The following CIPC variants were observed in gnomAD, a reference collection of about 807,000 sequenced individuals.
CIPC encodes CLOCK-interacting pacemaker.
In CIPC, 12 loss-of-function variants were observed where a neutral mutation model predicts 26.7. The ratio of observed to expected loss-of-function variants is 0.45; its 90% CI spans 0.29 to 0.73. The LOEUF (loss-of-function observed/expected upper bound fraction) is 0.73. Among genes scored for constraint, CIPC ranks in the 30% least tolerant of loss-of-function variants. The pLI is 0.12. For missense variants in CIPC, 417 were observed against 486.5 expected, an observed-to-expected ratio of 0.86 and a Z score of 1.34; for synonymous variants, 170 against 189.8, an observed-to-expected ratio of 0.90 and a Z score of 0.86.
chr14:77,105,965 C>T, intron 2 of CIPC, 121 bp downstream of exon 2: 1 of 1,170,670 alleles, frequency 8.5e-7, no homozygotes, highest in Non-Finnish European at 1.2e-6. Flanking sequence ...TAAATACTTA[C>T]CTGCTTTAAA....
rs890850533 is a variant in CIPC, at chr14:77,105,312, C to G, written c.-52-345C>G. ...TTCTCCTGTCTTCCTTTTCCCTTCTCTTCACTCCCCTGTCCCCTCTCCCCT... is the reference window on the plus strand; with the variant it reads ...TTCTCCTGTCTTCCTTTTCCCTTCTGTTCACTCCCCTGTCCCCTCTCCCCT... On this transcript the variant is annotated intron_variant, in intron 1 of 3. Coordinates refer to ENST00000361786, the MANE Select transcript of CIPC (RefSeq NM_033426.3). Among the ~76,000 whole-genome samples, 8 of 152,126 alleles carry G rather than the reference C, an allele frequency of 5.3e-5. No individual in the cohort carries two copies. In the East Asian group the frequency reaches 1.5e-3, roughly 29 times the overall value.
Position 77,116,689 on chromosome 14 carries a change from A to G in CIPC, c.*2371A>G, listed in dbSNP as rs940941409. 2.0e-5 allele frequency: 3 copies of G among 152,202 alleles called. No homozygotes were observed. The highest frequency in any genetic ancestry group is 4.4e-5 in the Non-Finnish European group (3 of 68,048). The allele number at this position is 152,202 out of a possible 1,614,324, so 9.4% of individuals were successfully genotyped here. A position where few individuals can be genotyped will look rare whatever the true frequency, so the allele number is the denominator to read the frequency against. On this transcript the variant is annotated 3_prime_UTR_variant, in exon 4 of 4. Coordinates refer to ENST00000361786, the MANE Select transcript of CIPC (RefSeq NM_033426.3). Reference sequence around the variant, plus strand: ...CTAGAAGTCTCTCCAGGCTATTACCATGGGCATTTGTTCTCTGTTGGAGCT... The same window carrying G: ...CTAGAAGTCTCTCCAGGCTATTACCGTGGGCATTTGTTCTCTGTTGGAGCT...
intron 1 of CIPC, 115 bp from the exon 2 acceptor site, chr14:77,105,541 AG>A: frequency 3.2e-6 from 2 of 622,856 alleles, no homozygotes; most frequent in Non-Finnish European, 5.3e-6. Context: ...GAAACCTCTG[AG>A]AAAATAAAGC....
intron 1 of CIPC, among the ~76,000 whole-genome samples, chr14:77,101,310 A>G (rs905761423): frequency 1.6e-4 from 24 of 151,840 alleles, no homozygotes; most frequent in Non-Finnish European, 2.6e-4. Context: ...CAGTGCTGCT[A>G]CTCCTCCGAA....
chr14:77,106,536 T>A (rs1322543162), intron 2 of CIPC, among the ~76,000 whole-genome samples: 1 of 152,178 alleles, frequency 6.6e-6, no homozygotes, highest in Non-Finnish European at 1.5e-5. Context: ...GGGTAGTGGC[T>A]TGAATATGGC....
At chr14:77,100,570 CTTCTT>C (rs1191353997) in intron 1 of CIPC, among the ~76,000 whole-genome samples, 2 of 145,688 alleles carry the variant, frequency 1.4e-5, no homozygotes, top group African/African-American at 5.1e-5. Context: ...TTTCTTTTCT[CTTCTT>C]TTTTTTTTTT....
Position 77,113,491 on chromosome 14 carries a change from C to A in CIPC, c.373C>A (p.Pro125Thr), listed in dbSNP as rs1394677370. The A allele has an allele frequency of 1.1e-5, 17 of 1,614,052 alleles. No homozygotes were observed. Among genetic ancestry groups the A allele is most frequent in the Non-Finnish European group, 1.4e-5 (16 of 1,180,034 alleles). ...QPSFEVISAQPQLLFLHPPVP... is the reference protein window; with the variant it reads ...QPSFEVISAQTQLLFLHPPVP... Reference sequence around the variant, plus strand: ...CTCCTTTGAAGTGATCTCAGCACAGCCACAGCTCTTATTCCTTCATCCACC... The same window carrying A: ...CTCCTTTGAAGTGATCTCAGCACAGACACAGCTCTTATTCCTTCATCCACC... Residue 125 changes from proline (P) to threonine (T), a missense_variant, in exon 4 of 4, where the codon CCA becomes ACA. By Grantham distance (38) the Pro-to-Thr change is conservative (BLOSUM62 -1). Coordinates refer to ENST00000361786, the MANE Select transcript of CIPC (RefSeq NM_033426.3).
At chr14:77,108,272 A>G (rs1204452155) in intron 2 of CIPC, among the ~76,000 whole-genome samples, 1 of 152,222 alleles carries the variant, frequency 6.6e-6, no homozygotes, top group Non-Finnish European at 1.5e-5. Flanking sequence ...TTCTCTTTGT[A>G]ATTAATAAGT....
intron 1 of CIPC, among the ~76,000 whole-genome samples, chr14:77,100,576 T>C (rs1886461980): frequency 6.6e-6 from 1 of 151,236 alleles, no homozygotes; most frequent in Non-Finnish European, 1.5e-5. Flanking sequence ...TTCTCTTCTT[T>C]TTTTTTTTTC....
intron 2 of CIPC, among the ~76,000 whole-genome samples, chr14:77,107,627 T>TAC (rs35968918): frequency 0.034 from 5,187 of 150,402 alleles, 321 homozygotes; most frequent in African/African-American, 0.12. Flanking sequence ...TCGCTCTCTT[T>TAC]ACACACACAC....
chr14:77,105,915 T>G, intron 2 of CIPC, 71 bp downstream of exon 2: 2 of 1,567,896 alleles, frequency 1.3e-6, no homozygotes, highest in South Asian at 2.3e-5. Flanking sequence ...TCCCCAAAAC[T>G]CATTTATGTG....
rs1252246510 is a variant in CIPC at position 77,113,505 on chromosome 14, C to T, written c.387C>T (p.Phe129=). ...TCTCAGCACAGCCACAGCTCTTATT[C>T]CTTCATCCACCTGTACCATCTCCTG... The part of the protein sequence containing the change: ...EVISAQPQLL[F]LHPPVPSPVS... Residue 129 remains phenylalanine, a synonymous_variant, in exon 4 of 4, where the codon TTC becomes TTT. Transcript: ENST00000361786. The T allele has an allele frequency of 4.3e-6, 7 of 1,614,158 alleles. No homozygotes were observed. The highest frequency in any genetic ancestry group is 5.9e-6 in the Non-Finnish European group (7 of 1,180,028).
intron 3 of CIPC, among the ~76,000 whole-genome samples, chr14:77,112,274 T>C (rs781456469): frequency 2.6e-5 from 4 of 152,204 alleles, no homozygotes; most frequent in Non-Finnish European, 5.9e-5. Flanking sequence ...CTTTCAAACA[T>C]TGGAGACAAG....
At position 77,113,559 on chromosome 14, in the gene CIPC, G is replaced by C; in HGVS notation, c.441G>C (p.Lys147Asn). Residue 147 changes from lysine (K) to asparagine (N), a missense_variant, in exon 4 of 4, where the codon AAG (lysine) becomes AAC (asparagine). Physicochemically the swap from Lys to Asn is moderately conservative, Grantham distance 94. Transcript: ENST00000361786. ...PVSPCHTGEK[K>N]SDSRNYLPIL... Reference sequence around the variant, plus strand: ...GTCCATGTCACACTGGTGAGAAAAAGTCCGACTCCAGGAACTACTTGCCCA... The same window carrying C: ...GTCCATGTCACACTGGTGAGAAAAACTCCGACTCCAGGAACTACTTGCCCA... 6.2e-7 allele frequency: 1 copy of C among 1,614,206 alleles called. No individual in the cohort carries two copies. Among genetic ancestry groups the C allele is most frequent in the East Asian group, 2.2e-5 (1 of 44,886 alleles).
At chr14:77,112,183 G>A (rs943307668) in intron 3 of CIPC, among the ~76,000 whole-genome samples, 1 of 152,210 alleles carries the variant, frequency 6.6e-6, no homozygotes, top group Admixed American at 6.5e-5. Flanking sequence ...CCCCACTGAT[G>A]ATGTGAAACT....
At position 77,112,098 on chromosome 14, in the gene CIPC, A is replaced by G. The variant is rs77465836; in HGVS notation, c.307-1327A>G. On this transcript the variant is annotated intron_variant, in intron 3 of 3. Transcript: ENST00000361786. ...CATCCAAGAAACTGAAATGTGTGCA[A>G]AATGGTGCGCGCATGTACATGTATG... 6.0e-3 allele frequency among the ~76,000 whole-genome samples: 911 copies of G among 152,288 alleles called. 12 individuals are homozygous for G. Among genetic ancestry groups the G allele is most frequent in the African/African-American group, 0.021 (863 of 41,564 alleles).
Position 77,110,133 on chromosome 14 carries a change from G to A in CIPC, c.306+152G>A, listed in dbSNP as rs545730617. ...ATGTGTACTTTCTGTCCTGGGGAGC[G>A]GATGTTATCTTTCAAGTGTGACACT... On this transcript the variant is annotated intron_variant, in intron 3 of 3. Coordinates refer to ENST00000361786, the MANE Select transcript of CIPC (RefSeq NM_033426.3). The A allele has an allele frequency of 9.6e-5, 65 of 675,010 alleles. No individual in the cohort carries two copies. In the South Asian group the frequency reaches 1.2e-3, roughly 12 times the overall value. The allele number at this position is 675,010 out of a possible 1,614,324, so 41.8% of individuals were successfully genotyped here.
chr14:77,100,240 C>CTTTTTTTTTTTTTT (rs57785837), intron 1 of CIPC, among the ~76,000 whole-genome samples: 4 of 130,522 alleles, frequency 3.1e-5, no homozygotes, highest in African/African-American at 5.8e-5. Context: ...TTCTTTCTTT[C>CTTTTTTTTTTTTTT]TTTTTTTTTT....
Position 77,114,090 on chromosome 14 carries a change from A to G in CIPC, c.972A>G (p.Leu324=), listed in dbSNP as rs148094392. The change falls in exon 4 of 4, where the codon CTA becomes CTG. Residue 324 remains leucine, a synonymous_variant. Transcript: ENST00000361786. The stretch of plus-strand genomic sequence containing the variant: ...GCTTTCAGAATACCCTAGTAGTCCT[A>G]CATAAATCTGGTTTGCTGGAGATCA... The part of the protein sequence containing the change: ...HRRFQNTLVV[L]HKSGLLEITL... 1.9e-6 allele frequency: 3 copies of G among 1,614,032 alleles called. No homozygotes were observed. In the African/African-American group the frequency reaches 4.0e-5, roughly 22 times the overall value.
Sources: allele counts gnomAD v4.1 joint callset (sites outside exome capture counted in the v4.1 genomes callset), GRCh38; gene constraint gnomAD v4.1.1; transcripts MANE v1.5; gene names NCBI Gene and HGNC (gene_info 2026-07-23, HGNC 2026-07-21).